The following SEPTIN8 variants were observed in gnomAD, a reference collection of about 807,000 sequenced individuals.
SEPTIN8 encodes the protein septin-8.
Under a neutral mutation model 53.1 loss-of-function variants are expected in SEPTIN8, and 22 were observed. That is an observed-to-expected ratio of 0.41 (90% CI 0.30 to 0.59). SEPTIN8 has a LOEUF of 0.59. SEPTIN8 is among the 20% of genes least tolerant of loss of function. The pLI is 0.24. For synonymous variants in SEPTIN8, 228 were observed against 248.4 expected (o/e 0.92, Z 0.77); for missense variants, 536 against 638.7 (o/e 0.84, Z 1.73).
At chr5:132,758,652 T>C (rs1182366419) in intron 9 of SEPTIN8, 4 of 1,593,038 alleles carry the variant, frequency 2.5e-6, no homozygotes, top group Non-Finnish European at 3.4e-6. Context: ...CGGGGCAGCC[T>C]GGGGCCAGGG....
In SEPTIN8 at chr5:132,750,846, T is replaced by G. The variant is rs1291580739; in HGVS notation, c.*1170A>C. The G allele has an allele frequency of 7.4e-6, 12 of 1,612,242 alleles. No homozygotes were observed. Among genetic ancestry groups the G allele is most frequent in the Non-Finnish European group, 1.0e-5 (12 of 1,179,600 alleles). Reference sequence around the variant, plus strand: ...ATGTAGGGCTTTGGCCTCTTTATTTTCTTTTTACAGTTTATTCCACAAGTA... The same window carrying G: ...ATGTAGGGCTTTGGCCTCTTTATTTGCTTTTTACAGTTTATTCCACAAGTA... On this transcript the variant is annotated 3_prime_UTR_variant, in exon 10 of 10. Coordinates refer to ENST00000378719, the MANE Select transcript of SEPTIN8 (RefSeq NM_001098811.2).
upstream of SEPTIN8, chr5:132,777,360 G>A (rs1757908750): frequency 9.6e-7 from 1 of 1,040,280 alleles, no homozygotes; most frequent in Non-Finnish European, 1.2e-6. The surrounding 1 kb of genome is among the most constrained non-coding windows in gnomAD (Gnocchi z 4.1). Context: ...CACGAGCGCA[G>A]CCGGAGCCCC....
rs150774962 is a variant in SEPTIN8, at chr5:132,771,093, C to T, written c.31-5564G>A. 1.7e-3 allele frequency among the ~76,000 whole-genome samples: 252 copies of T among 152,314 alleles called. 1 individual carries two copies. The highest frequency in any genetic ancestry group is 5.7e-3 in the African/African-American group (235 of 41,572). On this transcript the variant is annotated intron_variant, in intron 1 of 9. Coordinates refer to ENST00000378719, the MANE Select transcript of SEPTIN8 (RefSeq NM_001098811.2). ...TACGCAGCCCAGTGGATAACTAGGA[C>T]GCCCTTTTCCTGATAGGAAATGCTC... is the stretch of plus-strand genomic sequence containing the variant.
intron 1 of SEPTIN8, among the ~76,000 whole-genome samples, chr5:132,769,802 T>C (rs1438241094): frequency 6.6e-6 from 1 of 150,996 alleles, no homozygotes; most frequent in Non-Finnish European, 1.5e-5. Flanking sequence ...GCCACTAACT[T>C]GGCCAAGCGT....
chr5:132,769,471 G>A (rs1263449331), intron 1 of SEPTIN8, among the ~76,000 whole-genome samples: 1 of 152,202 alleles, frequency 6.6e-6, no homozygotes, highest in Admixed American at 6.5e-5. Flanking sequence ...GCCTTTAGAA[G>A]CCAGGCAGGT....
intron 9 of SEPTIN8, chr5:132,756,449 A>G (rs1485534920): frequency 4.9e-5 from 48 of 985,336 alleles, no homozygotes; most frequent in Non-Finnish European, 5.7e-5. Context: ...AAATGCCAAC[A>G]TGATCCTGTA....
chr5:132,769,611 T>C (rs1175608126), intron 1 of SEPTIN8, among the ~76,000 whole-genome samples: 3 of 152,102 alleles, frequency 2.0e-5, no homozygotes, highest in Admixed American at 1.3e-4. Context: ...ATCAGCCCTA[T>C]GACATAGGCC....
At chr5:132,768,873 CT>C (rs1756899336) in intron 1 of SEPTIN8, among the ~76,000 whole-genome samples, 1 of 152,226 alleles carries the variant, frequency 6.6e-6, no homozygotes, top group South Asian at 2.1e-4. Context: ...CCCCTTCCCC[CT>C]GGCCATATCC....
rs1169497753 is a variant in SEPTIN8 at position 132,760,018 on chromosome 5, A to C, written c.1286+784T>G. Among the ~76,000 whole-genome samples the C allele has an allele frequency of 6.6e-6, 1 of 152,038 alleles. No homozygotes were observed. Among genetic ancestry groups the C allele is most frequent in the Non-Finnish European group, 1.5e-5 (1 of 67,988 alleles). On this transcript the variant is annotated intron_variant, in intron 9 of 9. Coordinates refer to ENST00000378719, the MANE Select transcript of SEPTIN8 (RefSeq NM_001098811.2). This position sits in a 1 kb window ranked among gnomAD's most constrained non-coding sequence, Gnocchi z 5.2. ...TCTTTCTCTCCTCTCTCCACTCTGCAGGAACAACTCCAGCCTCTACTTGAG... is the reference window on the plus strand; with the variant it reads ...TCTTTCTCTCCTCTCTCCACTCTGCCGGAACAACTCCAGCCTCTACTTGAG...
intron 5 of SEPTIN8, 142 bp downstream of exon 5, chr5:132,762,342 C>T: frequency 1.3e-6 from 1 of 794,488 alleles, no homozygotes; most frequent in South Asian, 1.8e-5. Flanking sequence ...TAGGACTGGC[C>T]AGCTCCAGAT....
chr5:132,775,448 C>A (rs1757701593), intron 1 of SEPTIN8, among the ~76,000 whole-genome samples: 1 of 152,172 alleles, frequency 6.6e-6, no homozygotes, highest in Admixed American at 6.5e-5. Flanking sequence ...CCCCTGGATT[C>A]TCTTGTTGAA....
At chr5:132,754,523 T>C in intron 9 of SEPTIN8, 1 of 717,444 alleles carries the variant, frequency 1.4e-6, no homozygotes, top group East Asian at 2.7e-5. Flanking sequence ...TCAAACCTCT[T>C]GGAGAAAGCA....
chr5:132,778,215 G>T, upstream of SEPTIN8: 1 of 545,484 alleles, frequency 1.8e-6, no homozygotes, highest in South Asian at 8.1e-5. Context: ...TTCTGGGAAT[G>T]TGGCAAGGTT....
Position 132,761,814 on chromosome 5 carries a change from C to A in SEPTIN8, c.779G>T (p.Trp260Leu). ...TCCACACTCACCCTGCACCACTCCC[C>A]AGGGGTACTGCCGTGCTCGGACCAG... ...NKLVRARQYP[W>L]GVVQVENENH... is the part of the protein sequence containing the mutation. Residue 260 changes from tryptophan (W) to leucine (L), a missense_variant, in exon 6 of 10, where the codon TGG becomes TTG. Around this residue, in one of 3 missense-constraint regions of SEPTIN8, gnomAD observed 395 missense variants for 451.8 expected, o/e 0.87. Coordinates refer to ENST00000378719, the MANE Select transcript of SEPTIN8 (RefSeq NM_001098811.2). The surrounding 1 kb of genome is among the most constrained non-coding windows in gnomAD (Gnocchi z 5.8). 6.2e-7 allele frequency: 1 copy of A among 1,608,976 alleles called. No individual in the cohort carries two copies. Among genetic ancestry groups the A allele is most frequent in the East Asian group, 2.2e-5 (1 of 44,710 alleles).
intron 2 of SEPTIN8, 119 bp downstream of exon 2, chr5:132,765,290 C>A: frequency 8.1e-7 from 1 of 1,227,656 alleles, no homozygotes; most frequent in Non-Finnish European, 1.1e-6. Flanking sequence ...CGTCCTGACA[C>A]CCCCAAAGTT....
intron 4 of SEPTIN8, 68 bp downstream of exon 4, chr5:132,763,638 G>T: frequency 6.8e-7 from 1 of 1,475,230 alleles, no homozygotes. Flanking sequence ...TCAGGCATGA[G>T]GCAGCCACCA....
At chr5:132,766,155 A>G (rs907461825) in intron 1 of SEPTIN8, among the ~76,000 whole-genome samples, 3 of 152,004 alleles carry the variant, frequency 2.0e-5, no homozygotes, top group Non-Finnish European at 4.4e-5. Context: ...GCCGGCCCTC[A>G]CTCACACAAC....
At chr5:132,769,972 TCTATATATAC>T (rs1323445743) in intron 1 of SEPTIN8, among the ~76,000 whole-genome samples, 3 of 108,922 alleles carry the variant, frequency 2.8e-5, no homozygotes, top group African/African-American at 1.0e-4. Context: ...AAAATCTCTC[TCTATATATAC>T]ATATATATAT....
chr5:132,754,652 G>C (rs1395195990), intron 9 of SEPTIN8: 1 of 604,602 alleles, frequency 1.7e-6, no homozygotes, highest in Admixed American at 2.8e-5. Flanking sequence ...AGTCCCACTC[G>C]TGGATTTTTA....
Sources: gnomAD v4.1 joint callset for allele counts (sites outside exome capture counted in the v4.1 genomes callset) on GRCh38, gnomAD v4.1.1 for gene constraint, gnomAD v4.1.1 regional missense constraint, Gnocchi (gnomAD v3.1) non-coding constraint, MANE v1.5 for transcripts, NCBI Gene and HGNC (gene_info 2026-07-23, HGNC 2026-07-21) for gene names.